SLIT1: variants seen among roughly 807,000 people sequenced by gnomAD.
The protein encoded by SLIT1 is slit guidance ligand 1.
In SLIT1, 66 loss-of-function variants were observed where a neutral mutation model predicts 186.1. That is an observed-to-expected ratio of 0.35 (90% CI 0.29 to 0.44). SLIT1 has a LOEUF of 0.44. Ranked by LOEUF, SLIT1 falls within the 20% of genes least tolerant of loss-of-function variation. The pLI is 1.00. For synonymous variants in SLIT1, 761 were observed against 833.8 expected, an observed-to-expected ratio of 0.91 and a Z score of 1.50; for missense variants, 1,638 against 2,037.4, an observed-to-expected ratio of 0.80 and a Z score of 3.77.
Position 97,060,722 on chromosome 10 carries a change from T to C in SLIT1, c.859A>G (p.Thr287Ala). ...LSSGSCPAMC[T>A]CSNGIVDCRG... ...CAGTCCACGATGCCATTGCTGCAGG[T>C]GCACATGGCCGGGCAGGAGCCGGAG... The change falls in exon 9 of 37, where the codon ACC becomes GCC. Residue 287 changes from threonine to alanine, a missense_variant. Physicochemically the swap from Thr to Ala is moderately conservative, Grantham distance 58 (BLOSUM62 0). Around this residue, in one of 3 missense-constraint regions of SLIT1, gnomAD observed 1,245 missense variants for 1,535.3 expected, o/e 0.81. Transcript: ENST00000266058. 1 of 1,613,776 alleles carries C rather than the reference T, an allele frequency of 6.2e-7. No homozygotes were observed. Among genetic ancestry groups the C allele is most frequent in the Non-Finnish European group, 8.5e-7 (1 of 1,179,998 alleles).
chr10:97,033,125 T>C (rs529839679), intron 23 of SLIT1, among the ~76,000 whole-genome samples: 2 of 151,908 alleles, frequency 1.3e-5, no homozygotes, highest in South Asian at 4.2e-4. Flanking sequence ...CTTGGCTTGC[T>C]GCAACCTCTG....
At chr10:97,152,442 A>G (rs12266304) in intron 4 of SLIT1, among the ~76,000 whole-genome samples, 3,011 of 106,044 alleles carry the variant, frequency 0.028, 98 homozygotes, top group African/African-American at 0.074. Context: ...ATGTGGACTC[A>G]TCTGACATTT....
chr10:97,176,880 T>C (rs1313517234), intron 1 of SLIT1, among the ~76,000 whole-genome samples: 1 of 152,164 alleles, frequency 6.6e-6, no homozygotes, highest in African/African-American at 2.4e-5. Flanking sequence ...ATCTCTTCCT[T>C]CAACACCTTC....
At chr10:97,003,757 A>G (rs1722900200) in intron 34 of SLIT1, among the ~76,000 whole-genome samples, 1 of 152,168 alleles carries the variant, frequency 6.6e-6, no homozygotes, top group South Asian at 2.1e-4. Flanking sequence ...ACCTGAAGCC[A>G]TTGAAAAGCC....
intron 28 of SLIT1, among the ~76,000 whole-genome samples, chr10:97,015,504 T>A (rs888219441): frequency 6.6e-6 from 1 of 152,234 alleles, no homozygotes; most frequent in African/African-American, 2.4e-5. Context: ...CTCACCAGTT[T>A]ATTTACATGA....
chr10:97,121,658 C>T (rs1168449561), intron 4 of SLIT1, among the ~76,000 whole-genome samples: 1 of 152,192 alleles, frequency 6.6e-6, no homozygotes, highest in Non-Finnish European at 1.5e-5. Flanking sequence ...CTAAGTGCAG[C>T]GTGATTCTGC....
intron 4 of SLIT1, among the ~76,000 whole-genome samples, chr10:97,079,102 G>T (rs1849077504): frequency 6.6e-6 from 1 of 152,236 alleles, no homozygotes; most frequent in Non-Finnish European, 1.5e-5. Context: ...CCTTGGGCAA[G>T]TTACTTAACC....
intron 10 of SLIT1, 40 bp downstream of exon 10, chr10:97,060,047 C>CCTGTA: frequency 6.5e-7 from 1 of 1,539,712 alleles, no homozygotes; most frequent in Non-Finnish European, 9.0e-7. Flanking sequence ...TCTCCGTCAG[C>CCTGTA]CCTGTACCAG....
intron 4 of SLIT1, among the ~76,000 whole-genome samples, chr10:97,078,286 C>T (rs1317366399): frequency 1.3e-5 from 2 of 152,072 alleles, no homozygotes; most frequent in African/African-American, 4.8e-5. Context: ...TGTGCCAGGT[C>T]CCATCAGCTG....
chr10:97,124,623 C>G (rs939834973), intron 4 of SLIT1, among the ~76,000 whole-genome samples: 3 of 152,184 alleles, frequency 2.0e-5, no homozygotes, highest in Non-Finnish European at 4.4e-5. Context: ...GAGGGCTGAG[C>G]TTTGCAGACA....
intron 22 of SLIT1, 115 bp from the exon 23 acceptor site, chr10:97,034,657 C>T: frequency 3.3e-6 from 3 of 919,170 alleles, no homozygotes; most frequent in Admixed American, 1.9e-5. Context: ...CCAGGTTGGC[C>T]AGGGGTGGAG....
At chr10:97,177,345 T>C (rs536838423) in intron 1 of SLIT1, among the ~76,000 whole-genome samples, 32 of 152,294 alleles carry the variant, frequency 2.1e-4, no homozygotes, top group African/African-American at 7.5e-4. Context: ...TTTATTCCTG[T>C]CCCAAGATCA....
Position 97,004,293 on chromosome 10 carries a change from C to G in SLIT1, c.3711-71G>C. ...TGGACCATCCCTGCCTGGGCACTTCCCCAGAAACACCAGTAGCTGCTTCCC... is the reference window on the plus strand; with the variant it reads ...TGGACCATCCCTGCCTGGGCACTTCGCCAGAAACACCAGTAGCTGCTTCCC... On this transcript the variant is annotated intron_variant, in intron 33 of 36. Coordinates refer to ENST00000266058, the MANE Select transcript of SLIT1 (RefSeq NM_003061.3). The surrounding 1 kb of genome is among the most constrained non-coding windows in gnomAD (Gnocchi z 5.1). 1 of 1,458,460 alleles carries G rather than the reference C, an allele frequency of 6.9e-7. No homozygotes were observed. The highest frequency in any genetic ancestry group is 9.4e-7 in the Non-Finnish European group (1 of 1,063,176). 90.3% of individuals were successfully genotyped at this position (1,458,460 alleles called of 1,614,324 possible).
Position 97,037,745 on chromosome 10 carries a change from G to T in SLIT1, c.2319C>A (p.Phe773Leu). The T allele has an allele frequency of 6.2e-7, 1 of 1,608,434 alleles. No individual in the cohort carries two copies. The highest frequency in any genetic ancestry group is 2.2e-5 in the East Asian group (1 of 44,676). ...TAGACAGCTGTCCCGGAACCAGCGT[G>T]AACTGGTTCCCGTCCAAATAGCTGC... ...VTELYLDGNQ[F>L]TLVPGQLSTF... The change falls in exon 22 of 37, where the codon TTC becomes TTA. Residue 773 changes from phenylalanine (F) to leucine (L), a missense_variant. This residue lies in a region of SLIT1 where 1,245 missense variants were observed against 1,535.3 expected (regional missense o/e 0.81). Transcript: ENST00000266058.
rs202014972 is a variant in SLIT1, at chr10:97,064,786, T to C, written c.557+19A>G. The C allele has an allele frequency of 6.3e-7, 1 of 1,588,274 alleles. No individual in the cohort carries two copies. Among genetic ancestry groups the C allele is most frequent in the African/African-American group, 1.4e-5 (1 of 74,024 alleles). On this transcript the variant is annotated intron_variant, in intron 6 of 36. Transcript: ENST00000266058. ...CAGGGCCCTCCACACCCCTCCTTCC[T>C]TTTCCATGCTTTACTTACAGCACCT...
chr10:97,115,197 T>C (rs557045126), intron 4 of SLIT1, among the ~76,000 whole-genome samples: 81 of 152,234 alleles, frequency 5.3e-4, no homozygotes, highest in African/African-American at 1.8e-3. Context: ...CCCCGTAAGG[T>C]TGGTTTAGAG....
At chr10:97,147,771 G>A (rs1175576241) in intron 4 of SLIT1, among the ~76,000 whole-genome samples, 1 of 151,226 alleles carries the variant, frequency 6.6e-6, no homozygotes, top group Non-Finnish European at 1.5e-5. Flanking sequence ...TCTAGGTCTA[G>A]AGCCCATCTA....
At position 97,034,526 on chromosome 10, in the gene SLIT1, T is replaced by G. The variant is rs770914349; in HGVS notation, c.2383A>C (p.Lys795Gln). 2.5e-6 allele frequency: 4 copies of G among 1,613,464 alleles called. No homozygotes were observed. The highest frequency in any genetic ancestry group is 3.4e-6 in the Non-Finnish European group (4 of 1,179,640). The change falls in exon 23 of 37, where the codon AAG becomes CAG. Residue 795 changes from lysine (K) to glutamine (Q), a missense_variant. Coordinates refer to ENST00000266058, the MANE Select transcript of SLIT1 (RefSeq NM_003061.3). ...YLQLVDLSNN[K>Q]ISSLSNSSFT... ...GAGGAATTGCTTAAGGAACTGATCT[T>G]GTTGTTGCTCAGGTCCCTGGAAAAG...
intron 4 of SLIT1, among the ~76,000 whole-genome samples, chr10:97,095,322 T>C (rs1013349506): frequency 6.6e-6 from 1 of 152,196 alleles, no homozygotes; most frequent in Non-Finnish European, 1.5e-5. Context: ...CCAATTAAAC[T>C]GCATCCATGC....
Sources: allele counts gnomAD v4.1 joint callset (sites outside exome capture counted in the v4.1 genomes callset), GRCh38; gene constraint gnomAD v4.1.1; regional missense constraint gnomAD v4.1.1; non-coding constraint Gnocchi (gnomAD v3.1); transcripts MANE v1.5; gene names NCBI Gene and HGNC (gene_info 2026-07-23, HGNC 2026-07-21).